The following TRIP4 variants were observed in gnomAD, a reference collection of about 807,000 sequenced individuals.
TRIP4 encodes the protein activating signal cointegrator 1.
In TRIP4, 54 loss-of-function variants were observed where a neutral mutation model predicts 81.8. The ratio of observed to expected loss-of-function variants is 0.66; its 90% CI spans 0.53 to 0.83. The LOEUF is 0.83. Among genes scored for constraint, TRIP4 ranks in the 40% least tolerant of loss-of-function variants. The pLI, the probability that TRIP4 is intolerant of heterozygous loss-of-function variation, is 0.00. For synonymous variants in TRIP4, 270 were observed against 242.8 expected (o/e 1.11, Z -1.04); for missense variants, 662 against 683.6 (o/e 0.97, Z 0.35).
chr15:64,449,341 A>G (rs1336707220), intron 12 of TRIP4, among the ~76,000 whole-genome samples: 1 of 146,218 alleles, frequency 6.8e-6, no homozygotes, highest in African/African-American at 2.5e-5. Context: ...TTTACAGATT[A>G]GTTCTATGAT....
chr15:64,410,361 G>A (rs2140292708), intron 7 of TRIP4, among the ~76,000 whole-genome samples: 1 of 152,202 alleles, frequency 6.6e-6, no homozygotes, highest in Middle Eastern at 3.4e-3. Context: ...TATAGTATGG[G>A]CACAGAAATA....
Position 64,418,578 on chromosome 15 carries a change from C to T in TRIP4, c.1208C>T (p.Ala403Val). The change falls in exon 9 of 13, where the codon GCT becomes GTT. Residue 403 changes from alanine (A) to valine (V), a missense_variant. By Grantham distance (64) the Ala-to-Val change is moderately conservative. Coordinates refer to ENST00000261884, the MANE Select transcript of TRIP4 (RefSeq NM_016213.5). Reference sequence around the variant, plus strand: ...ACAGGTGCAGCCTCACAGAAGAAGGCTTTCCGTTCTTCAGGATTTGGACTA... The same window carrying T: ...ACAGGTGCAGCCTCACAGAAGAAGGTTTTCCGTTCTTCAGGATTTGGACTA... The part of the protein sequence containing the change: ...DHTGAASQKK[A>V]FRSSGFGLEF... 1.2e-6 allele frequency: 2 copies of T among 1,613,230 alleles called. No individual in the cohort carries two copies. The highest frequency in any genetic ancestry group is 1.1e-5 in the South Asian group (1 of 91,026).
intron 11 of TRIP4, among the ~76,000 whole-genome samples, chr15:64,433,137 A>C (rs1314589707): frequency 6.6e-6 from 1 of 152,158 alleles, no homozygotes; most frequent in Admixed American, 6.5e-5. Flanking sequence ...TGAGAAAAAT[A>C]AAGGAGGGAA....
chr15:64,406,973 T>C (rs1278953698), intron 6 of TRIP4, among the ~76,000 whole-genome samples: 2 of 150,652 alleles, frequency 1.3e-5, no homozygotes, highest in Non-Finnish European at 3.0e-5. Flanking sequence ...TACTGCATTA[T>C]TATTGTTTAG....
chr15:64,427,514 A>G (rs1303985528), intron 11 of TRIP4, among the ~76,000 whole-genome samples: 3 of 152,068 alleles, frequency 2.0e-5, no homozygotes, highest in Admixed American at 2.0e-4. Context: ...AGCTGGGACT[A>G]CAGGCACCAC....
intron 5 of TRIP4, among the ~76,000 whole-genome samples, chr15:64,402,511 C>T (rs1011674774): frequency 1.0e-4 from 15 of 148,608 alleles, no homozygotes; most frequent in African/African-American, 3.5e-4. Context: ...TGAGCCACCG[C>T]GCCCGGCCAA....
At chr15:64,443,227 G>A (rs922352286) in intron 11 of TRIP4, among the ~76,000 whole-genome samples, 3 of 152,294 alleles carry the variant, frequency 2.0e-5, no homozygotes, top group African/African-American at 7.2e-5. Flanking sequence ...GAGGATGTGG[G>A]ATCTGGATAA....
intron 9 of TRIP4, among the ~76,000 whole-genome samples, chr15:64,420,111 G>T (rs570479861): frequency 3.3e-5 from 5 of 151,272 alleles, no homozygotes; most frequent in African/African-American, 7.3e-5. Flanking sequence ...ACTGTGCCTG[G>T]CTTCTTTCTT....
intron 11 of TRIP4, among the ~76,000 whole-genome samples, chr15:64,440,245 A>G (rs1439190482): frequency 6.6e-6 from 1 of 151,742 alleles, no homozygotes; most frequent in Non-Finnish European, 1.5e-5. Context: ...TAATTAATTA[A>G]TAATAAATAT....
chr15:64,418,803 AT>A lies in TRIP4; in HGVS notation c.1358+77del, dbSNP rs1448426076. ...ATTTAATTTAGAAATATGAATTGGA[AT>A]TAGTTTTCCTCAATCTAGTGATGAT... is the stretch of plus-strand genomic sequence containing the variant. On this transcript the variant is annotated intron_variant, in intron 9 of 12. Coordinates refer to ENST00000261884, the MANE Select transcript of TRIP4 (RefSeq NM_016213.5). 5.8e-6 allele frequency: 8 copies of A among 1,390,002 alleles called. No individual in the cohort carries two copies. The African/African-American group carries it at 1.2e-4, about 20-fold the overall frequency. The allele number at this position is 1,390,002 out of a possible 1,614,324, so 86.1% of individuals were successfully genotyped here.
intron 4 of TRIP4, among the ~76,000 whole-genome samples, chr15:64,400,329 C>T (rs557897815): frequency 4.9e-4 from 73 of 149,490 alleles, no homozygotes; most frequent in Middle Eastern, 3.4e-3. Context: ...CACACCACCA[C>T]GCCAGGCTAA....
intron 11 of TRIP4, among the ~76,000 whole-genome samples, chr15:64,431,877 C>CTTTTTTTTTTTTTTTTTTTTTTTTTTTTT (rs1199638489): frequency 1.9e-5 from 1 of 52,508 alleles, no homozygotes; most frequent in Non-Finnish European, 3.3e-5. Flanking sequence ...ATTGTGTTTT[C>CTTTTTTTTTTTTTTTTTTTTTTTTTTTTT]TTTTTTTTTT....
chr15:64,394,246 A>G (rs901283261), intron 2 of TRIP4, 131 bp downstream of exon 2: 8 of 737,634 alleles, frequency 1.1e-5, no homozygotes, highest in African/African-American at 3.7e-5. Flanking sequence ...ATATGTATAC[A>G]TATTTTTAGT....
intron 6 of TRIP4, 50 bp downstream of exon 6, chr15:64,406,509 A>G (rs1326056361): frequency 6.3e-7 from 1 of 1,586,314 alleles, no homozygotes; most frequent in African/African-American, 1.4e-5. Flanking sequence ...TAGTCCACAG[A>G]TTCTGGCCAT....
At chr15:64,436,071 G>A (rs1273981799) in intron 11 of TRIP4, among the ~76,000 whole-genome samples, 1 of 152,002 alleles carries the variant, frequency 6.6e-6, no homozygotes, top group Non-Finnish European at 1.5e-5. Context: ...GACGCATTTG[G>A]ATCACCTGAG....
At chr15:64,421,611 C>T (rs1892015013) in intron 9 of TRIP4, among the ~76,000 whole-genome samples, 1 of 152,040 alleles carries the variant, frequency 6.6e-6, no homozygotes, top group African/African-American at 2.4e-5. Flanking sequence ...GCTGGGATTA[C>T]AGACATGAGC....
At chr15:64,412,518 C>T (rs527459843) in intron 7 of TRIP4, among the ~76,000 whole-genome samples, 3 of 150,532 alleles carry the variant, frequency 2.0e-5, no homozygotes, top group South Asian at 4.2e-4. Flanking sequence ...ATCATCTATA[C>T]GGCTTTCTTA....
At chr15:64,390,113 T>C (rs1327261499) in intron 1 of TRIP4, among the ~76,000 whole-genome samples, 1 of 146,598 alleles carries the variant, frequency 6.8e-6, no homozygotes, top group African/African-American at 2.5e-5. Flanking sequence ...ATATATCAAA[T>C]ATTATATTAA....
At chr15:64,408,160 T>TTA (rs1377737900) in intron 6 of TRIP4, among the ~76,000 whole-genome samples, 4 of 55,710 alleles carry the variant, frequency 7.2e-5, no homozygotes, top group African/African-American at 1.0e-4. Flanking sequence ...CTGCTTTATT[T>TTA]TTGTTTTTTT....
Sources: allele counts gnomAD v4.1 joint callset (sites outside exome capture counted in the v4.1 genomes callset), GRCh38; gene constraint gnomAD v4.1.1; transcripts MANE v1.5; gene names NCBI Gene and HGNC (gene_info 2026-07-23, HGNC 2026-07-21).